The following LRMDA variants were observed in gnomAD, a reference collection of about 807,000 sequenced individuals.
The protein encoded by LRMDA is leucine rich melanocyte differentiation associated.
Under a neutral mutation model 29.8 loss-of-function variants are expected in LRMDA, and 18 were observed. That is an observed-to-expected ratio of 0.60 (90% CI 0.42 to 0.90). LRMDA has a LOEUF of 0.90. Among genes scored for constraint, LRMDA ranks in the 40% least tolerant of loss-of-function variants. The pLI is 0.00. For synonymous variants in LRMDA, 125 were observed against 109.4 expected (o/e 1.14, Z -0.89); for missense variants, 273 against 273.9 (o/e 1.00, Z 0.02).
Position 75,566,309 on chromosome 10 carries a change from C to T in LRMDA, c.131+127815C>T, listed in dbSNP as rs367638681. Among the ~76,000 whole-genome samples, 70 of 152,292 alleles carry T rather than the reference C, an allele frequency of 4.6e-4. No homozygotes were observed. The South Asian group carries it at 0.014, about 31-fold the overall frequency. ...TGTCCACTCGTGTTCTTCACATGCT[C>T]ACCTCCCATTCACTCCTTACTCTTG... On this transcript the variant is annotated intron_variant, in intron 2 of 6. Coordinates refer to ENST00000611255, the MANE Select transcript of LRMDA (RefSeq NM_001305581.2).
chr10:75,731,343 A>G (rs781713728), intron 2 of LRMDA, among the ~76,000 whole-genome samples: 10 of 152,184 alleles, frequency 6.6e-5, no homozygotes, highest in Non-Finnish European at 1.3e-4. Flanking sequence ...TTCAACACCC[A>G]TCTCTGTTTT....
intron 2 of LRMDA, among the ~76,000 whole-genome samples, chr10:75,517,728 T>C (rs1015750886): frequency 5.3e-5 from 8 of 152,176 alleles, no homozygotes; most frequent in Admixed American, 1.3e-4. Flanking sequence ...GCAGAACTTC[T>C]AACACTGTGT....
chr10:76,057,484 A>C (rs1848636251), intron 4 of LRMDA, among the ~76,000 whole-genome samples: 1 of 152,244 alleles, frequency 6.6e-6, no homozygotes, highest in African/African-American at 2.4e-5. Flanking sequence ...AGAAGCTTAC[A>C]GTTTGGGTAA....
At chr10:75,782,824 C>T (rs575062248) in intron 2 of LRMDA, 126 of 1,463,524 alleles carry the variant, frequency 8.6e-5, no homozygotes, top group Middle Eastern at 3.8e-4. Flanking sequence ...CTTTAGCCAG[C>T]GCCGGCGTGC....
intron 2 of LRMDA, among the ~76,000 whole-genome samples, chr10:75,916,684 CT>C (rs1453989849): frequency 6.6e-6 from 1 of 152,146 alleles, no homozygotes; most frequent in Non-Finnish European, 1.5e-5. Context: ...ATGGCAACAG[CT>C]TTATGGAAAC....
chr10:76,330,923 T>G (rs1840896857), intron 6 of LRMDA, among the ~76,000 whole-genome samples: 1 of 152,200 alleles, frequency 6.6e-6, no homozygotes, highest in Admixed American at 6.5e-5. Flanking sequence ...GCCAGCTTAA[T>G]AGCTTAGCAT....
At chr10:76,485,930 A>C (rs962571744) in intron 6 of LRMDA, among the ~76,000 whole-genome samples, 1 of 151,930 alleles carries the variant, frequency 6.6e-6, no homozygotes, top group African/African-American at 2.4e-5. Flanking sequence ...GCAAAAATGA[A>C]ACTATACAAA....
intron 2 of LRMDA, among the ~76,000 whole-genome samples, chr10:75,665,073 A>G (rs1256919407): frequency 2.6e-5 from 4 of 152,198 alleles, no homozygotes; most frequent in Non-Finnish European, 4.4e-5. Context: ...GGATTTATTA[A>G]AGAAGCCTCC....
intron 2 of LRMDA, chr10:75,450,529 G>A (rs1844449221): frequency 6.6e-6 from 1 of 152,194 alleles, no homozygotes. Flanking sequence ...AACACAATTG[G>A]AGGGAGGGCA....
intron 2 of LRMDA, among the ~76,000 whole-genome samples, chr10:75,458,757 C>T (rs1032514976): frequency 7.2e-5 from 11 of 152,104 alleles, no homozygotes; most frequent in Admixed American, 2.6e-4. Context: ...ACAAGCTTTC[C>T]GTCAGGTAGC....
chr10:76,320,268 A>G (rs1352775761), intron 5 of LRMDA, among the ~76,000 whole-genome samples: 1 of 152,156 alleles, frequency 6.6e-6, no homozygotes, highest in African/African-American at 2.4e-5. Context: ...TTTAAAAATT[A>G]TTAGTAACTC....
intron 3 of LRMDA, among the ~76,000 whole-genome samples, chr10:76,045,273 C>T (rs1183928847): frequency 7.3e-6 from 1 of 136,246 alleles, no homozygotes; most frequent in Non-Finnish European, 1.5e-5. Context: ...TGCTAGTTTC[C>T]CCCTCTCTGG....
chr10:75,577,520 A>G (rs1322197513), intron 2 of LRMDA, among the ~76,000 whole-genome samples: 1 of 151,420 alleles, frequency 6.6e-6, no homozygotes, highest in African/African-American at 2.4e-5. Context: ...CCAACATTCA[A>G]TTCGGAAATA....
intron 6 of LRMDA, among the ~76,000 whole-genome samples, chr10:76,505,680 G>A (rs1243186359): frequency 6.6e-6 from 1 of 152,054 alleles, no homozygotes; most frequent in Non-Finnish European, 1.5e-5. Context: ...TGGATTCCGT[G>A]AATTTCTGGA....
intron 2 of LRMDA, among the ~76,000 whole-genome samples, chr10:75,823,687 TGTG>T (rs1844202513): frequency 2.3e-4 from 3 of 13,168 alleles, no homozygotes; most frequent in Non-Finnish European, 6.9e-4. Context: ...TAAAATGTAG[TGTG>T]TGTGTGTGTG....
chr10:75,904,630 T>C (rs1035372748), intron 2 of LRMDA, among the ~76,000 whole-genome samples: 1 of 152,154 alleles, frequency 6.6e-6, no homozygotes, highest in African/African-American at 2.4e-5. Context: ...AGCGAGGGAA[T>C]TGTTTGTCCC....
chr10:76,551,674 G>A (rs1843496641), intron 6 of LRMDA, among the ~76,000 whole-genome samples: 1 of 152,132 alleles, frequency 6.6e-6, no homozygotes, highest in Non-Finnish European at 1.5e-5. Context: ...TAAACAAGAT[G>A]CTTCTGTATG....
chr10:76,410,151 G>A (rs1021831659), intron 6 of LRMDA, among the ~76,000 whole-genome samples: 4 of 152,154 alleles, frequency 2.6e-5, no homozygotes, highest in South Asian at 2.1e-4. Context: ...GATCATTGTG[G>A]GAGGGGATAG....
chr10:75,701,022 G>A (rs116020985), intron 2 of LRMDA, among the ~76,000 whole-genome samples: 2,724 of 152,270 alleles, frequency 0.018, 92 homozygotes, highest in African/African-American at 0.058. Context: ...TCATCTCCTC[G>A]GCATTGGAGT....
Sources: allele counts gnomAD v4.1 joint callset (sites outside exome capture counted in the v4.1 genomes callset), GRCh38; gene constraint gnomAD v4.1.1; transcripts MANE v1.5; gene names NCBI Gene and HGNC (gene_info 2026-07-23, HGNC 2026-07-21).